Variants in RBFOX1 observed in about 807,000 individuals in gnomAD.
RBFOX1 encodes RNA binding fox-1 homolog 1.
A neutral mutation model predicts 57.7 loss-of-function variants in RBFOX1; 8 were observed. The observed-to-expected ratio is 0.14, with a 90% CI of 0.08 to 0.25. The LOEUF (loss-of-function observed/expected upper bound fraction) is 0.25. Ranked by LOEUF, RBFOX1 falls within the 10% of genes least tolerant of loss-of-function variation. The pLI, the probability that RBFOX1 is intolerant of heterozygous loss-of-function variation, is 1.00. For missense variants in RBFOX1, 611 were observed against 548.5 expected (o/e 1.11, Z -1.14); for synonymous variants, 326 against 222.4 (o/e 1.47, Z -4.15).
At chr16:7,275,143 G>A (rs565653086) in intron 4 of RBFOX1, among the ~76,000 whole-genome samples, 29 of 152,254 alleles carry the variant, frequency 1.9e-4, no homozygotes, top group Admixed American at 5.9e-4. Flanking sequence ...GAGGGATAGA[G>A]GGAGGGAAAG....
chr16:5,319,596 G>T (rs974999714), intron 1 of RBFOX1, among the ~76,000 whole-genome samples: 1 of 152,328 alleles, frequency 6.6e-6, no homozygotes, highest in South Asian at 2.1e-4. Context: ...CGTGGACCTT[G>T]TCTTGGATGG....
chr16:6,659,093 G>A (rs559782103), intron 3 of RBFOX1, among the ~76,000 whole-genome samples: 1 of 152,096 alleles, frequency 6.6e-6, no homozygotes, highest in South Asian at 2.1e-4. Context: ...TTCTGCTGGG[G>A]CACTGAAGCA....
intron 1 of RBFOX1, among the ~76,000 whole-genome samples, chr16:6,300,385 C>A (rs1033917579): frequency 6.6e-6 from 1 of 152,164 alleles, no homozygotes; most frequent in Non-Finnish European, 1.5e-5. Context: ...TTTAGCCATT[C>A]CACAGTGTAT....
At chr16:5,941,308 A>G (rs141949410) in intron 4 of RBFOX1, among the ~76,000 whole-genome samples, 3 of 152,128 alleles carry the variant, frequency 2.0e-5, no homozygotes, top group African/African-American at 4.8e-5. Context: ...TGGGCAACGT[A>G]GTGAGATCTT....
At chr16:7,320,384 C>T (rs2096525314) in intron 4 of RBFOX1, among the ~76,000 whole-genome samples, 1 of 152,176 alleles carries the variant, frequency 6.6e-6, no homozygotes, top group South Asian at 2.1e-4. Flanking sequence ...CAGCTCCATC[C>T]ATGTCCCTGC....
intron 4 of RBFOX1, among the ~76,000 whole-genome samples, chr16:7,382,054 A>T (rs1024897054): frequency 1.3e-5 from 2 of 152,250 alleles, no homozygotes; most frequent in Non-Finnish European, 2.9e-5. Flanking sequence ...GCATTTATAA[A>T]TCAGTTGGAA....
intron 5 of RBFOX1, among the ~76,000 whole-genome samples, chr16:7,575,747 G>C (rs71374955): frequency 0.31 from 46,883 of 151,884 alleles, 8,688 homozygotes; most frequent in East Asian, 0.53. Flanking sequence ...TAAAACGCTG[G>C]CTGGTTCTAA....
chr16:6,163,219 G>C (rs546635548), intron 1 of RBFOX1, among the ~76,000 whole-genome samples: 34 of 152,254 alleles, frequency 2.2e-4, no homozygotes, highest in Middle Eastern at 3.4e-3. Context: ...TAAGGCCAAG[G>C]GGACTCACCT....
chr16:6,846,699 A>T (rs1216490609), intron 3 of RBFOX1, among the ~76,000 whole-genome samples: 1 of 152,210 alleles, frequency 6.6e-6, no homozygotes, highest in Non-Finnish European at 1.5e-5. Context: ...AACGTTCGCC[A>T]GTATCCGGGA....
chr16:6,635,419 T>C (rs147094370), intron 2 of RBFOX1, among the ~76,000 whole-genome samples: 1 of 152,046 alleles, frequency 6.6e-6, no homozygotes, highest in Non-Finnish European at 1.5e-5. Context: ...ACCAAAGACT[T>C]GGTGCCACAA....
chr16:6,666,400 T>TG (rs942518386), intron 3 of RBFOX1, among the ~76,000 whole-genome samples: 1 of 152,068 alleles, frequency 6.6e-6, no homozygotes, highest in African/African-American at 2.4e-5. Flanking sequence ...CCAGGTGTGG[T>TG]GGTGGGCACC....
At chr16:6,135,229 C>A (rs1463034903) in intron 1 of RBFOX1, among the ~76,000 whole-genome samples, 5 of 152,130 alleles carry the variant, frequency 3.3e-5, no homozygotes, top group African/African-American at 1.2e-4. Flanking sequence ...GATGGCATTC[C>A]AATGCACCCA....
chr16:7,482,542 ATTTTTTT>A (rs1178577326), intron 4 of RBFOX1, among the ~76,000 whole-genome samples: 36 of 77,192 alleles, frequency 4.7e-4, no homozygotes, highest in African/African-American at 1.4e-3. Context: ...ATTGCCTGGG[ATTTTTTT>A]TTTTTTTTTT....
intron 1 of RBFOX1, among the ~76,000 whole-genome samples, chr16:5,300,400 G>A (rs1365571780): frequency 6.6e-6 from 1 of 152,014 alleles, no homozygotes; most frequent in Non-Finnish European, 1.5e-5. Context: ...GACTACACAT[G>A]GGTACAGTGT....
Position 6,201,742 on chromosome 16 carries a change from C to G in RBFOX1, c.-126-115253C>G, listed in dbSNP as rs74950489. On this transcript the variant is annotated intron_variant, in intron 1 of 15. Coordinates refer to ENST00000550418, the MANE Select transcript of RBFOX1 (RefSeq NM_018723.4). ...ATACCCCAGTTACCTTAATTTGATC[C>G]TTACACATTGCCTGCCTGTATCAAA... is the stretch of plus-strand genomic sequence containing the variant. Among the ~76,000 whole-genome samples, 388 of 152,252 alleles carry G rather than the reference C, an allele frequency of 2.5e-3. 6 individuals carry two copies. In the East Asian group the frequency reaches 0.064, roughly 25 times the overall value.
intron 3 of RBFOX1, among the ~76,000 whole-genome samples, chr16:6,843,904 A>T (rs560220040): frequency 4.6e-5 from 7 of 152,118 alleles, no homozygotes; most frequent in Admixed American, 1.3e-4. Flanking sequence ...ATCTAAGAAT[A>T]TGGGGGGGAA....
intron 3 of RBFOX1, among the ~76,000 whole-genome samples, chr16:5,759,484 A>G (rs902898830): frequency 6.6e-6 from 1 of 152,250 alleles, no homozygotes; most frequent in Non-Finnish European, 1.5e-5. Flanking sequence ...AGGGCATTCA[A>G]ATGCATACAC....
intron 4 of RBFOX1, among the ~76,000 whole-genome samples, chr16:7,136,052 G>C (rs528133095): frequency 6.6e-6 from 1 of 152,302 alleles, no homozygotes; most frequent in East Asian, 1.9e-4. Context: ...TATTGTTGGA[G>C]CATATTTGTA....
chr16:6,398,070 G>T (rs1012310896), intron 2 of RBFOX1, among the ~76,000 whole-genome samples: 6 of 152,076 alleles, frequency 3.9e-5, no homozygotes, highest in Non-Finnish European at 8.8e-5. Context: ...ATGGCAGAAG[G>T]GTAAGCAAAC....
Sources: gnomAD v4.1 joint callset for allele counts (sites outside exome capture counted in the v4.1 genomes callset) on GRCh38, gnomAD v4.1.1 for gene constraint, MANE v1.5 for transcripts, NCBI Gene and HGNC (gene_info 2026-07-23, HGNC 2026-07-21) for gene names.